KLF12: variants seen among roughly 807,000 people sequenced by gnomAD.
The protein encoded by KLF12 is KLF transcription factor 12.
KLF12 carries 9 observed loss-of-function variants against 37.8 expected under a neutral mutation model. The ratio of observed to expected loss-of-function variants is 0.24; its 90% CI spans 0.14 to 0.42. The LOEUF (loss-of-function observed/expected upper bound fraction) is 0.42, where lower values mean the gene tolerates loss of function less well. KLF12 is among the 10% of genes least tolerant of loss of function. The pLI is 1.00. For missense variants in KLF12, 411 were observed against 516.0 expected, an observed-to-expected ratio of 0.80 and a Z score of 1.97; for synonymous variants, 208 against 202.1, an observed-to-expected ratio of 1.03 and a Z score of -0.25.
chr13:74,170,476 A>T, the KLF12 span, among the ~76,000 whole-genome samples: 1 of 152,194 alleles, frequency 6.6e-6, no homozygotes, highest in East Asian at 1.9e-4. Context: ...AAAGGAACTG[A>T]TATTCATTCT....
rs74436046 is a variant in KLF12 at position 73,934,533 on chromosome 13, C to T, written c.123+9448G>A. 1.9e-3 allele frequency among the ~76,000 whole-genome samples: 284 copies of T among 152,208 alleles called. 2 individuals carry two copies. Among genetic ancestry groups the T allele is most frequent in the Middle Eastern group, 3.4e-3 (1 of 294 alleles). Reference sequence around the variant, plus strand: ...TAAATCTAAATTCCTACCTAGTATCCGTTTCTTTCTGCCTGCAATTTCTTT... The same window carrying T: ...TAAATCTAAATTCCTACCTAGTATCTGTTTCTTTCTGCCTGCAATTTCTTT... On this transcript the variant is annotated intron_variant, in intron 3 of 7. Transcript: ENST00000377669.
chr13:74,187,255 T>C, the KLF12 span, among the ~76,000 whole-genome samples: 1 of 151,780 alleles, frequency 6.6e-6, no homozygotes, highest in Admixed American at 6.6e-5. Context: ...ACCCAGATGA[T>C]TGGGGCTGCA....
intron 3 of KLF12, among the ~76,000 whole-genome samples, chr13:73,905,484 G>T (rs889871254): frequency 6.6e-6 from 1 of 151,708 alleles, no homozygotes; most frequent in African/African-American, 2.4e-5. Context: ...CTAAGTCCAA[G>T]AATCTCCATG....
intron 6 of KLF12, among the ~76,000 whole-genome samples, chr13:73,737,229 AT>A (rs1377474460): frequency 6.6e-6 from 1 of 152,162 alleles, no homozygotes; most frequent in African/African-American, 2.4e-5. Context: ...TTAATTTTAT[AT>A]TTTATATCCT....
rs1878014265 is a variant in KLF12 at position 74,127,602 on chromosome 13, G to A, written c.-32+6137C>T. ...CTAAATCAGTTATATTGAAGAGATA[G>A]TTTGAGTTTGTTTCTTTGCTCTTGC... On this transcript the variant is annotated intron_variant, in intron 1 of 7. Coordinates refer to ENST00000377669, the MANE Select transcript of KLF12 (RefSeq NM_007249.5). Among the ~76,000 whole-genome samples the A allele has an allele frequency of 2.6e-5, 4 of 152,246 alleles. No homozygotes were observed. The South Asian group carries it at 8.3e-4, about 31-fold the overall frequency.
At chr13:74,246,949 A>G in the KLF12 span, among the ~76,000 whole-genome samples, 1 of 152,220 alleles carries the variant, frequency 6.6e-6, no homozygotes, top group South Asian at 2.1e-4. Flanking sequence ...GGTATGCTGT[A>G]ATTAATTTAA....
chr13:73,955,729 G>C (rs1471521388), intron 2 of KLF12, among the ~76,000 whole-genome samples: 3 of 152,200 alleles, frequency 2.0e-5, no homozygotes, highest in African/African-American at 7.2e-5. Context: ...CAGATTACTG[G>C]AGAAGTTATC....
Position 73,968,202 on chromosome 13 carries a change from T to C in KLF12, c.34-24132A>G, listed in dbSNP as rs985479368. Among the ~76,000 whole-genome samples the C allele has an allele frequency of 2.0e-5, 3 of 152,208 alleles. No homozygotes were observed. The South Asian group carries it at 6.2e-4, about 31-fold the overall frequency. Reference sequence around the variant, plus strand: ...AGATGCTTAATTTACATTTGCTGCTTCTCATCTGTTGTAGACTTTGAAATG... The same window carrying C: ...AGATGCTTAATTTACATTTGCTGCTCCTCATCTGTTGTAGACTTTGAAATG... On this transcript the variant is annotated intron_variant, in intron 2 of 7. Transcript: ENST00000377669.
chr13:73,754,103 C>G (rs1416381240), intron 6 of KLF12, among the ~76,000 whole-genome samples: 1 of 152,030 alleles, frequency 6.6e-6, no homozygotes, highest in Non-Finnish European at 1.5e-5. Context: ...CTGGAGGTAC[C>G]CTTCACATAG....
chr13:73,800,480 T>C (rs1882227421), intron 5 of KLF12: 1 of 152,090 alleles, frequency 6.6e-6, no homozygotes, highest in African/African-American at 2.4e-5. Flanking sequence ...CAACAGTGTT[T>C]CTTTTCTAAA....
intron 6 of KLF12, among the ~76,000 whole-genome samples, chr13:73,744,090 C>G (rs540478198): frequency 4.6e-5 from 7 of 152,326 alleles, no homozygotes; most frequent in African/African-American, 1.4e-4. Flanking sequence ...GACCCAAATG[C>G]CAAGACCTAT....
intron 3 of KLF12, among the ~76,000 whole-genome samples, chr13:73,930,958 G>A (rs757159119): frequency 7.1e-6 from 1 of 141,668 alleles, no homozygotes; most frequent in Non-Finnish European, 1.5e-5. Flanking sequence ...TCGGGTTCAA[G>A]CAATTCTCCT....
At chr13:74,056,896 G>A (rs1873275985) in intron 1 of KLF12, among the ~76,000 whole-genome samples, 1 of 152,154 alleles carries the variant, frequency 6.6e-6, no homozygotes, top group African/African-American at 2.4e-5. Flanking sequence ...GTGGGGCCTG[G>A]TAAAGGAGTG....
intron 6 of KLF12, among the ~76,000 whole-genome samples, chr13:73,755,243 A>T (rs1282512227): frequency 6.6e-6 from 1 of 152,222 alleles, no homozygotes; most frequent in Non-Finnish European, 1.5e-5. Context: ...CAGGAATGGA[A>T]AAAGAGATGG....
the KLF12 span, among the ~76,000 whole-genome samples, chr13:74,202,476 G>A: frequency 6.6e-6 from 1 of 152,194 alleles, no homozygotes; most frequent in Non-Finnish European, 1.5e-5. Context: ...ACCTGTGTTA[G>A]CTACATCTTT....
At chr13:74,302,735 A>G in the KLF12 span, among the ~76,000 whole-genome samples, 45 of 152,174 alleles carry the variant, frequency 3.0e-4, no homozygotes, top group African/African-American at 9.9e-4. Context: ...CACATGTCCA[A>G]TGTGACTGCT....
intron 3 of KLF12, among the ~76,000 whole-genome samples, chr13:73,900,027 C>A (rs188669171): frequency 4.7e-4 from 71 of 152,108 alleles, no homozygotes; most frequent in African/African-American, 1.7e-3. Flanking sequence ...GAAAGTTTTT[C>A]GTTAAATAGA....
intron 4 of KLF12, among the ~76,000 whole-genome samples, chr13:73,826,573 T>C (rs1450460799): frequency 6.6e-6 from 1 of 152,208 alleles, no homozygotes; most frequent in African/African-American, 2.4e-5. Flanking sequence ...TTTTAGATCA[T>C]TAAGTTAAAT....
chr13:74,008,151 T>C (rs1892462709), intron 1 of KLF12, among the ~76,000 whole-genome samples: 1 of 152,232 alleles, frequency 6.6e-6, no homozygotes, highest in South Asian at 2.1e-4. Flanking sequence ...TTATGATTTA[T>C]ACAATTTTTG....
Sources: gnomAD v4.1 joint callset for allele counts (sites outside exome capture counted in the v4.1 genomes callset) on GRCh38, gnomAD v4.1.1 for gene constraint, MANE v1.5 for transcripts, NCBI Gene and HGNC (gene_info 2026-07-23, HGNC 2026-07-21) for gene names.